Variants in SACM1L observed in about 807,000 individuals in gnomAD.
SACM1L encodes phosphatidylinositol-3-phosphatase SAC1.
A neutral mutation model predicts 89.5 loss-of-function variants in SACM1L; 32 were observed. The observed-to-expected ratio is 0.36, with a 90% CI of 0.27 to 0.48. SACM1L has a LOEUF of 0.48. SACM1L is among the 20% of genes least tolerant of loss of function. The probability of loss-of-function intolerance (pLI) is 0.99; values close to 1 mark genes in which losing one functional copy is unlikely to be tolerated. For missense variants in SACM1L, 543 were observed against 708.5 expected, an observed-to-expected ratio of 0.77 and a Z score of 2.65; for synonymous variants, 213 against 232.8, an observed-to-expected ratio of 0.92 and a Z score of 0.77.
intron 19 of SACM1L, chr3:45,739,932 G>T (rs1699281465): frequency 7.0e-6 from 3 of 427,842 alleles, no homozygotes; most frequent in South Asian, 5.8e-5. Context: ...GGCTTAATTT[G>T]CCAAGGTTGA....
intron 8 of SACM1L, among the ~76,000 whole-genome samples, chr3:45,720,805 C>T (rs1698772431): frequency 6.6e-6 from 1 of 152,124 alleles, no homozygotes; most frequent in Non-Finnish European, 1.5e-5. Flanking sequence ...ATAATTTTGG[C>T]CCCTTCTGGT....
chr3:45,706,230 A>C (rs531577842), intron 3 of SACM1L, among the ~76,000 whole-genome samples: 2 of 152,230 alleles, frequency 1.3e-5, no homozygotes, highest in Admixed American at 6.5e-5. Context: ...CAAGGTCAGG[A>C]TTGGTGTATT....
At chr3:45,713,012 G>C (rs1698563641) in intron 5 of SACM1L, 125 bp from the exon 6 acceptor site, 3 of 678,142 alleles carry the variant, frequency 4.4e-6, no homozygotes, top group East Asian at 2.8e-5. Flanking sequence ...GATGTATTTT[G>C]TTTGAGGCCT....
chr3:45,694,505 A>G (rs1018710732), intron 1 of SACM1L, among the ~76,000 whole-genome samples: 2 of 152,144 alleles, frequency 1.3e-5, no homozygotes, highest in African/African-American at 4.8e-5. Flanking sequence ...CACAGACAAT[A>G]TGGGGTTTGT....
intron 11 of SACM1L, among the ~76,000 whole-genome samples, chr3:45,729,717 C>T (rs1441750283): frequency 6.6e-6 from 1 of 152,108 alleles, no homozygotes; most frequent in Non-Finnish European, 1.5e-5. Context: ...TCTCTTGCTG[C>T]TTTTCAGGAT....
intron 16 of SACM1L, among the ~76,000 whole-genome samples, 166 bp downstream of exon 16, chr3:45,738,010 C>T (rs1013881089): frequency 1.3e-5 from 2 of 152,108 alleles, no homozygotes; most frequent in African/African-American, 4.8e-5. Context: ...AAGTGAGGCC[C>T]GGGTACTGGT....
chr3:45,738,409 G>A (rs1699247700), intron 16 of SACM1L, among the ~76,000 whole-genome samples, 169 bp from the exon 17 acceptor site: 1 of 152,166 alleles, frequency 6.6e-6, no homozygotes, highest in Admixed American at 6.5e-5. Flanking sequence ...AAGAAAATAG[G>A]TATTTCTTGG....
At chr3:45,701,570 G>C (rs1698268876) in intron 1 of SACM1L, among the ~76,000 whole-genome samples, 1 of 151,932 alleles carries the variant, frequency 6.6e-6, no homozygotes, top group South Asian at 2.1e-4. Context: ...ATATTTCTTT[G>C]GTTTTAGGAC....
At chr3:45,692,667 GT>G (rs1390989460) in intron 1 of SACM1L, among the ~76,000 whole-genome samples, 1 of 152,168 alleles carries the variant, frequency 6.6e-6, no homozygotes, top group African/African-American at 2.4e-5. Context: ...TTTGAGAAAT[GT>G]TTTCTTTCCA....
In SACM1L at chr3:45,720,331, A is replaced by G. The variant is rs1698759211; in HGVS notation, c.679+730A>G. ...TTCTTGGATGGAAACATAGTTTTTG[A>G]TTAAATTTTTGAACAGGTAGTGCAT... On this transcript the variant is annotated intron_variant, in intron 8 of 19. Transcript: ENST00000389061. 2.6e-5 allele frequency among the ~76,000 whole-genome samples: 4 copies of G among 152,332 alleles called. 1 individual carries two copies. In the South Asian group the frequency reaches 8.3e-4, roughly 32 times the overall value.
intron 8 of SACM1L, among the ~76,000 whole-genome samples, chr3:45,721,713 CTACTT>C (rs1382076256): frequency 6.6e-6 from 1 of 151,888 alleles, no homozygotes; most frequent in East Asian, 1.9e-4. Flanking sequence ...TTGAGAAACA[CTACTT>C]TAGAGGAATT....
intron 13 of SACM1L, among the ~76,000 whole-genome samples, chr3:45,733,698 C>T (rs1017785559): frequency 1.1e-4 from 17 of 152,278 alleles, no homozygotes; most frequent in African/African-American, 1.9e-4. Context: ...ATCCAGTATT[C>T]GTTGTTTGCT....
At position 45,719,680 on chromosome 3, in the gene SACM1L, T is replaced by A. The variant is rs183036497; in HGVS notation, c.679+79T>A. 509 of 782,938 alleles carry A rather than the reference T, an allele frequency of 6.5e-4. No homozygotes were observed. In the African/African-American group the frequency reaches 7.7e-3, roughly 12 times the overall value. 48.5% of individuals were successfully genotyped at this position (782,938 alleles called of 1,614,324 possible). ...TGACACGAATGTAACCTTTTGTATT[T>A]TATTTGTTTTCATTATCATTTGATA... is the stretch of plus-strand genomic sequence containing the variant. On this transcript the variant is annotated intron_variant, in intron 8 of 19. Coordinates refer to ENST00000389061, the MANE Select transcript of SACM1L (RefSeq NM_014016.5).
intron 7 of SACM1L, among the ~76,000 whole-genome samples, chr3:45,717,051 G>T (rs1352943959): frequency 1.3e-5 from 2 of 152,164 alleles, no homozygotes; most frequent in Non-Finnish European, 2.9e-5. Context: ...TTGGGTAAGG[G>T]AGCAAATATT....
intron 11 of SACM1L, among the ~76,000 whole-genome samples, chr3:45,725,915 G>A (rs751853716): frequency 6.6e-6 from 1 of 152,024 alleles, no homozygotes; most frequent in Non-Finnish European, 1.5e-5. Context: ...AAGAAGAGGT[G>A]TTGAATTTTG....
chr3:45,734,958 A>G (rs982405722), intron 13 of SACM1L: 1 of 301,340 alleles, frequency 3.3e-6, no homozygotes, highest in Admixed American at 4.7e-5. Flanking sequence ...TTGCACAGCA[A>G]CCTTTTTAAT....
chr3:45,742,925 T>C (rs62242236), intron 19 of SACM1L: 14,214 of 152,278 alleles, frequency 0.093, 817 homozygotes, highest in East Asian at 0.14. Flanking sequence ...TGCTTGTGAA[T>C]AGCCACTGCA....
At chr3:45,737,494 G>A in intron 14 of SACM1L, 89 bp from the exon 15 acceptor site, 1 of 1,263,702 alleles carries the variant, frequency 7.9e-7, no homozygotes, top group South Asian at 1.3e-5. Context: ...CAGGCACCAT[G>A]AGATAAAATT....
chr3:45,739,578 C>CT lies in SACM1L; in HGVS notation c.1570-5dup, dbSNP rs1559553433. ...TTAAATGATGATCTCTTTCTATTGT[C>CT]TTTTCCAGTTGCCTATTATCATGGT... is the stretch of plus-strand genomic sequence containing the variant. On this transcript the variant is annotated splice_polypyrimidine_tract_variant and intron_variant, in intron 18 of 19. Coordinates refer to ENST00000389061, the MANE Select transcript of SACM1L (RefSeq NM_014016.5). 2.5e-6 allele frequency: 4 copies of CT among 1,613,644 alleles called. No homozygotes were observed. The South Asian group carries it at 4.4e-5, about 18-fold the overall frequency.
Sources: gnomAD v4.1 joint callset for allele counts (sites outside exome capture counted in the v4.1 genomes callset) on GRCh38, gnomAD v4.1.1 for gene constraint, MANE v1.5 for transcripts, NCBI Gene and HGNC (gene_info 2026-07-23, HGNC 2026-07-21) for gene names.